Variants in IQSEC3 observed in about 807,000 individuals in gnomAD.
IQSEC3 encodes the protein IQ motif and Sec7 domain ArfGEF 3.
IQSEC3 carries 50 observed loss-of-function variants against 105.4 expected under a neutral mutation model. The ratio of observed to expected loss-of-function variants is 0.47; its 90% CI spans 0.38 to 0.60. The LOEUF (loss-of-function observed/expected upper bound fraction) is 0.60, where lower values mean the gene tolerates loss of function less well. Ranked by LOEUF, IQSEC3 falls within the 20% of genes least tolerant of loss-of-function variation. IQSEC3 has a pLI of 0.00. For missense variants in IQSEC3, 1,415 were observed against 1,630.0 expected (o/e 0.87, Z 2.27); for synonymous variants, 708 against 746.0 (o/e 0.95, Z 0.83).
intron 2 of IQSEC3, among the ~76,000 whole-genome samples, chr12:115,976 T>C (rs1865035563): frequency 6.6e-6 from 1 of 152,250 alleles, no homozygotes. Flanking sequence ...TGTCCTTTGT[T>C]CTGAAATTAT....
chr12:141,336 G>GC, intron 5 of IQSEC3, 51 bp downstream of exon 5: 3 of 1,572,234 alleles, frequency 1.9e-6, no homozygotes, highest in Non-Finnish European at 2.6e-6. Context: ...CACCCCACCT[G>GC]CCCGGGCTCT....
intron 2 of IQSEC3, among the ~76,000 whole-genome samples, chr12:123,253 A>G (rs571721309): frequency 6.6e-6 from 1 of 152,164 alleles, no homozygotes; most frequent in African/African-American, 2.4e-5. Flanking sequence ...AAAAAAATTT[A>G]AAAATTTGCC....
chr12:121,855 GT>G (rs1435692208), intron 2 of IQSEC3, among the ~76,000 whole-genome samples: 1 of 152,136 alleles, frequency 6.6e-6, no homozygotes, highest in African/African-American at 2.4e-5. Flanking sequence ...TAGGTGCTGT[GT>G]GTGCTTTATT....
chr12:110,594 C>T (rs994929031), intron 2 of IQSEC3, among the ~76,000 whole-genome samples: 2 of 152,020 alleles, frequency 1.3e-5, no homozygotes, highest in African/African-American at 2.4e-5. Context: ...ACTCCTTACC[C>T]GGGAGAATGG....
intron 7 of IQSEC3, among the ~76,000 whole-genome samples, chr12:158,848 G>A (rs117087268): frequency 0.02 from 3,074 of 152,272 alleles, 40 homozygotes; most frequent in Non-Finnish European, 0.031. Context: ...TAGAACAGAT[G>A]AGGTTTCACC....
chr12:96,384 A>G (rs1864243703), intron 1 of IQSEC3, among the ~76,000 whole-genome samples: 1 of 152,194 alleles, frequency 6.6e-6, no homozygotes, highest in Non-Finnish European at 1.5e-5. Context: ...TTCTTATCAG[A>G]CTTAAAAAGG....
At chr12:101,722 T>G (rs1864428275) in intron 2 of IQSEC3, among the ~76,000 whole-genome samples, 1 of 152,188 alleles carries the variant, frequency 6.6e-6, no homozygotes, top group Non-Finnish European at 1.5e-5. Context: ...TCTGTCTGTC[T>G]GATGTGGCTT....
chr12:107,565 G>A (rs576531467), intron 2 of IQSEC3, among the ~76,000 whole-genome samples: 105 of 151,646 alleles, frequency 6.9e-4, no homozygotes, highest in Middle Eastern at 3.4e-3. Flanking sequence ...GCCCGCCACC[G>A]TGCCCGGCTA....
chr12:72,772 T>C (rs1487806143), intron 1 of IQSEC3, among the ~76,000 whole-genome samples: 8 of 107,458 alleles, frequency 7.4e-5, no homozygotes, highest in Admixed American at 2.0e-4. Context: ...GGGCCAGGCG[T>C]GGTGGCTCAC....
intron 1 of IQSEC3, among the ~76,000 whole-genome samples, chr12:68,484 CTAGGAATA>C (rs1488638680): frequency 2.0e-5 from 3 of 152,128 alleles, no homozygotes; most frequent in Non-Finnish European, 2.9e-5. Context: ...GGTCCATGAA[CTAGGAATA>C]TGGGAAGAAG....
intron 5 of IQSEC3, 113 bp from the exon 6 acceptor site, chr12:156,912 G>C: frequency 7.7e-7 from 1 of 1,292,710 alleles, no homozygotes; most frequent in Non-Finnish European, 1.0e-6. Flanking sequence ...CCGGGGGTGA[G>C]TAGCCTGAGG....
intron 7 of IQSEC3, among the ~76,000 whole-genome samples, chr12:158,870 A>G (rs11061676): frequency 0.13 from 20,079 of 152,194 alleles, 3,029 homozygotes; most frequent in African/African-American, 0.37. Flanking sequence ...TGTTGAACAG[A>G]CTGGTTTTGA....
In IQSEC3 at chr12:105,614, G is replaced by A. The variant is rs1305536787; in HGVS notation, c.623+6400G>A. ...TCACTTTACCACCCTGTGCATTTTT[G>A]TCTCATTTGTCCTGAATCGCCAGAT... is the stretch of plus-strand genomic sequence containing the variant. On this transcript the variant is annotated intron_variant, in intron 2 of 13. Coordinates refer to ENST00000538872, the MANE Select transcript of IQSEC3 (RefSeq NM_001170738.2). Among the ~76,000 whole-genome samples, 5 of 152,196 alleles carry A rather than the reference G, an allele frequency of 3.3e-5. No homozygotes were observed. The East Asian group carries it at 9.6e-4, about 29-fold the overall frequency.
At chr12:68,854 G>A (rs1555066742) in intron 1 of IQSEC3, among the ~76,000 whole-genome samples, 1 of 152,252 alleles carries the variant, frequency 6.6e-6, no homozygotes, top group East Asian at 1.9e-4. Context: ...CAGGATCTAA[G>A]AGGTGAAGGT....
At chr12:163,863 G>T (rs1278111988) in intron 9 of IQSEC3, among the ~76,000 whole-genome samples, 1 of 152,102 alleles carries the variant, frequency 6.6e-6, no homozygotes, top group Admixed American at 6.5e-5. Flanking sequence ...TCTGCTCGTG[G>T]TTGCACAAAC....
At chr12:91,033 T>G (rs1555073244) in intron 1 of IQSEC3, among the ~76,000 whole-genome samples, 1 of 152,090 alleles carries the variant, frequency 6.6e-6, no homozygotes. Flanking sequence ...CTCCTGGAGC[T>G]CAAGGCAGCT....
intron 13 of IQSEC3, among the ~76,000 whole-genome samples, chr12:172,058 G>A (rs190623675): frequency 6.6e-6 from 1 of 152,154 alleles, no homozygotes; most frequent in African/African-American, 2.4e-5. Context: ...CCGGCCTCCC[G>A]GGGCCACCGG....
intron 2 of IQSEC3, among the ~76,000 whole-genome samples, chr12:120,058 A>G (rs1041738226): frequency 1.3e-5 from 2 of 152,174 alleles, no homozygotes; most frequent in African/African-American, 4.8e-5. Flanking sequence ...ACATCTTATG[A>G]GCCAACCACC....
chr12:90,391 A>G (rs1256799965), intron 1 of IQSEC3, among the ~76,000 whole-genome samples: 1 of 152,212 alleles, frequency 6.6e-6, no homozygotes, highest in Non-Finnish European at 1.5e-5. Context: ...GGTCCTATCT[A>G]TGAAATCTTT....
Sources: allele counts gnomAD v4.1 joint callset (sites outside exome capture counted in the v4.1 genomes callset), GRCh38; gene constraint gnomAD v4.1.1; transcripts MANE v1.5; gene names NCBI Gene and HGNC (gene_info 2026-07-23, HGNC 2026-07-21).